CHST9: variants seen among roughly 807,000 people sequenced by gnomAD.
CHST9 encodes carbohydrate sulfotransferase 9.
In CHST9, 41 loss-of-function variants were observed where a neutral mutation model predicts 44.4. The observed-to-expected ratio is 0.92, with a 90% CI of 0.72 to 1.20. The LOEUF is 1.20. Ranked by LOEUF, CHST9 falls within the 50% of genes most tolerant of loss-of-function variation. The probability of loss-of-function intolerance (pLI) is 0.00; values close to 1 mark genes in which losing one functional copy is unlikely to be tolerated. For missense variants in CHST9, 504 were observed against 516.5 expected (o/e 0.98, Z 0.23); for synonymous variants, 171 against 178.4 (o/e 0.96, Z 0.33).
intron 4 of CHST9, among the ~76,000 whole-genome samples, chr18:26,982,339 C>CTTT (rs34211889): frequency 2.2e-4 from 30 of 133,718 alleles, no homozygotes; most frequent in African/African-American, 7.8e-4. Flanking sequence ...CTCCTTTTAC[C>CTTT]TTTTTTTTTT....
intron 3 of CHST9, among the ~76,000 whole-genome samples, chr18:27,030,936 C>G (rs66969325): frequency 0.21 from 31,479 of 151,964 alleles, 3,504 homozygotes; most frequent in African/African-American, 0.29. Context: ...AACAAACAAA[C>G]AAGCTCTTCA....
At chr18:27,106,054 G>A in intron 2 of CHST9, among the ~76,000 whole-genome samples, 1 of 152,054 alleles carries the variant, frequency 6.6e-6, no homozygotes, top group Non-Finnish European at 1.5e-5. Context: ...AATGTGTAGA[G>A]GAAGAATGTA....
intron 2 of CHST9, among the ~76,000 whole-genome samples, chr18:27,121,320 A>C (rs917708027): frequency 6.6e-6 from 1 of 151,976 alleles, no homozygotes; most frequent in Non-Finnish European, 1.5e-5. Flanking sequence ...TACTGTCATA[A>C]AACCTGCCTA....
At chr18:27,161,044 A>T (rs1164881832) in intron 1 of CHST9, among the ~76,000 whole-genome samples, 2 of 151,846 alleles carry the variant, frequency 1.3e-5, no homozygotes, top group Admixed American at 1.3e-4. Context: ...AATTTTGTTG[A>T]TCTTTTCAAA....
At position 27,014,544 on chromosome 18, in the gene CHST9, T is replaced by C. The variant is rs890599987; in HGVS notation, c.202+9572A>G. On this transcript the variant is annotated intron_variant, in intron 4 of 5. Coordinates refer to ENST00000618847, the MANE Select transcript of CHST9 (RefSeq NM_031422.6). ...GTTTTTGCAACTAACTCAACAAACA[T>C]ATATTTTATATTGTAAGAGCCCCTC... Among the ~76,000 whole-genome samples, 4 of 135,442 alleles carry C rather than the reference T, an allele frequency of 3.0e-5. No individual in the cohort carries two copies. The Admixed American group carries it at 3.0e-4, about 10-fold the overall frequency. 88.9% of individuals were successfully genotyped at this position (135,442 alleles called of 152,430 possible).
intron 4 of CHST9, among the ~76,000 whole-genome samples, chr18:27,002,869 A>G (rs1159063293): frequency 3.3e-5 from 5 of 152,202 alleles, no homozygotes; most frequent in Non-Finnish European, 7.4e-5. Context: ...TTAGGTCAGC[A>G]GAGTAGTTTC....
At chr18:27,065,819 G>T (rs1036428277) in intron 2 of CHST9, among the ~76,000 whole-genome samples, 1 of 152,086 alleles carries the variant, frequency 6.6e-6, no homozygotes, top group Admixed American at 6.6e-5. Context: ...GCATTATGTT[G>T]GACCCCATTC....
chr18:27,159,569 T>G (rs2058728592), intron 1 of CHST9, among the ~76,000 whole-genome samples: 1 of 152,232 alleles, frequency 6.6e-6, no homozygotes, highest in Non-Finnish European at 1.5e-5. Flanking sequence ...TTCTTTTGGC[T>G]TAGGATTGAC....
chr18:27,053,467 C>T (rs942801131), intron 2 of CHST9, among the ~76,000 whole-genome samples: 2 of 152,136 alleles, frequency 1.3e-5, no homozygotes, highest in Non-Finnish European at 2.9e-5. Flanking sequence ...TAATCTGTCC[C>T]TCAGTCCAAT....
At chr18:27,107,028 G>A (rs536354666) in intron 2 of CHST9, among the ~76,000 whole-genome samples, 3 of 152,264 alleles carry the variant, frequency 2.0e-5, no homozygotes, top group African/African-American at 7.2e-5. Context: ...AGGATGGAGT[G>A]GGTTTCCACA....
intron 2 of CHST9, among the ~76,000 whole-genome samples, chr18:27,136,173 G>T (rs551997972): frequency 9.8e-5 from 15 of 152,300 alleles, no homozygotes; most frequent in Non-Finnish European, 1.8e-4. Context: ...TAATATTTTT[G>T]AGTTTACTTG....
intron 5 of CHST9, chr18:26,924,940 G>T (rs2020157): frequency 0.27 from 41,127 of 152,152 alleles, 6,522 homozygotes; most frequent in Non-Finnish European, 0.36. Context: ...CATTAAACAC[G>T]TGTTTTCTGA....
At chr18:27,064,319 G>T (rs2143625719) in intron 2 of CHST9, among the ~76,000 whole-genome samples, 1 of 151,532 alleles carries the variant, frequency 6.6e-6, no homozygotes, top group South Asian at 2.1e-4. Context: ...CCTGGAGCCA[G>T]CATGATGGGG....
intron 1 of CHST9, among the ~76,000 whole-genome samples, chr18:27,184,325 T>G (rs1336428728): frequency 1.3e-5 from 2 of 152,186 alleles, no homozygotes; most frequent in African/African-American, 4.8e-5. Flanking sequence ...ACTTAGCACC[T>G]GTGAACTTAG....
At chr18:27,129,534 A>G (rs906868397) in intron 2 of CHST9, among the ~76,000 whole-genome samples, 1 of 152,102 alleles carries the variant, frequency 6.6e-6, no homozygotes, top group African/African-American at 2.4e-5. Flanking sequence ...ATGGGATTAC[A>G]GATGTGCATC....
At chr18:27,153,526 T>TTCTCTC (rs769722858) in intron 1 of CHST9, among the ~76,000 whole-genome samples, 4 of 140,780 alleles carry the variant, frequency 2.8e-5, no homozygotes, top group South Asian at 4.8e-4. Context: ...CTCTCTGTCT[T>TTCTCTC]TCTCTCTCTC....
intron 4 of CHST9, among the ~76,000 whole-genome samples, chr18:27,005,731 G>C (rs991281653): frequency 6.6e-6 from 1 of 152,152 alleles, no homozygotes; most frequent in Non-Finnish European, 1.5e-5. Context: ...CAAGTCTCCA[G>C]GGGAGGCATC....
At chr18:26,989,626 T>G (rs2056792518) in intron 4 of CHST9, among the ~76,000 whole-genome samples, 1 of 152,194 alleles carries the variant, frequency 6.6e-6, no homozygotes, top group Non-Finnish European at 1.5e-5. Flanking sequence ...TAAACAAATG[T>G]TCATAGTGGC....
At chr18:27,058,056 A>G (rs1328525795) in intron 2 of CHST9, among the ~76,000 whole-genome samples, 1 of 152,198 alleles carries the variant, frequency 6.6e-6, no homozygotes, top group Non-Finnish European at 1.5e-5. Flanking sequence ...CTTGGCAGAG[A>G]AGATTTTTGG....
Sources: gnomAD v4.1 joint callset for allele counts (sites outside exome capture counted in the v4.1 genomes callset) on GRCh38, gnomAD v4.1.1 for gene constraint, MANE v1.5 for transcripts, NCBI Gene and HGNC (gene_info 2026-07-23, HGNC 2026-07-21) for gene names.